PTPRT: variants seen among roughly 807,000 people sequenced by gnomAD.
The protein encoded by PTPRT is receptor-type tyrosine-protein phosphatase T.
In PTPRT, 56 loss-of-function variants were observed where a neutral mutation model predicts 176.8. That is an observed-to-expected ratio of 0.32 (90% CI 0.26 to 0.40). PTPRT has a LOEUF of 0.40. PTPRT is among the 10% of genes least tolerant of loss of function. PTPRT has a pLI of 1.00. For synonymous variants in PTPRT, 783 were observed against 739.0 expected (o/e 1.06, Z -0.96); for missense variants, 1,540 against 1,908.2 (o/e 0.81, Z 3.60).
At chr20:43,144,628 C>T (rs78773261) in intron 1 of PTPRT, among the ~76,000 whole-genome samples, 2,703 of 152,130 alleles carry the variant, frequency 0.018, 76 homozygotes, top group African/African-American at 0.061. Flanking sequence ...AAATCCATAG[C>T]GACAGAAAGG....
At chr20:42,976,856 A>G (rs762401580) in intron 1 of PTPRT, among the ~76,000 whole-genome samples, 2 of 152,216 alleles carry the variant, frequency 1.3e-5, no homozygotes, top group Non-Finnish European at 2.9e-5. Flanking sequence ...TATACAAATA[A>G]CCATTTAGTT....
At chr20:42,575,794 T>C (rs1416719576) in intron 7 of PTPRT, among the ~76,000 whole-genome samples, 1 of 152,120 alleles carries the variant, frequency 6.6e-6, no homozygotes, top group East Asian at 1.9e-4. Flanking sequence ...CTCCTGAACC[T>C]GCCCACTTTT....
intron 13 of PTPRT, among the ~76,000 whole-genome samples, chr20:42,280,518 T>C (rs1825284217): frequency 6.6e-6 from 1 of 152,210 alleles, no homozygotes. Context: ...GAAGCCTGCC[T>C]GGGCTTGGAC....
chr20:42,837,946 C>T (rs376869107), intron 2 of PTPRT, among the ~76,000 whole-genome samples: 19 of 152,138 alleles, frequency 1.2e-4, no homozygotes, highest in African/African-American at 3.4e-4. Flanking sequence ...TCTGTCCTTT[C>T]GGAGAAGTAA....
At chr20:42,981,818 C>T (rs541962581) in intron 1 of PTPRT, among the ~76,000 whole-genome samples, 1 of 152,332 alleles carries the variant, frequency 6.6e-6, no homozygotes, top group Non-Finnish European at 1.5e-5. Context: ...CTATCAGGCA[C>T]TGCATTTATG....
At chr20:42,308,085 C>T (rs566117524) in intron 12 of PTPRT, among the ~76,000 whole-genome samples, 11 of 152,198 alleles carry the variant, frequency 7.2e-5, no homozygotes, top group South Asian at 2.1e-4. Context: ...CCCTCAGTTC[C>T]GGGAATTGCC....
intron 14 of PTPRT, among the ~76,000 whole-genome samples, chr20:42,238,965 T>G (rs1213041830): frequency 6.6e-6 from 1 of 152,186 alleles, no homozygotes; most frequent in Non-Finnish European, 1.5e-5. Flanking sequence ...TATATTAATC[T>G]AAATTATACT....
intron 7 of PTPRT, among the ~76,000 whole-genome samples, chr20:42,588,928 C>T (rs537552560): frequency 9.9e-5 from 15 of 152,170 alleles, no homozygotes; most frequent in African/African-American, 3.4e-4. Context: ...GGCACCAAGA[C>T]GTAAAGTTAT....
At chr20:42,361,692 G>A (rs1197863201) in intron 9 of PTPRT, among the ~76,000 whole-genome samples, 1 of 152,170 alleles carries the variant, frequency 6.6e-6, no homozygotes, top group Non-Finnish European at 1.5e-5. Flanking sequence ...ACAGCTAAGT[G>A]AGGAGGCTGC....
chr20:42,057,744 C>G, the PTPRT span, among the ~76,000 whole-genome samples: 7 of 151,976 alleles, frequency 4.6e-5, no homozygotes, highest in Non-Finnish European at 8.8e-5. Flanking sequence ...AAACACCTCA[C>G]ACCTGGAAAA....
At chr20:42,389,480 G>A (rs983258617) in intron 9 of PTPRT, among the ~76,000 whole-genome samples, 2 of 152,172 alleles carry the variant, frequency 1.3e-5, no homozygotes, top group African/African-American at 4.8e-5. Flanking sequence ...TTGCAGCAGT[G>A]TTGGGAGGTG....
chr20:42,197,044 T>A (rs940921636), intron 16 of PTPRT, among the ~76,000 whole-genome samples: 2 of 152,132 alleles, frequency 1.3e-5, no homozygotes, highest in South Asian at 4.1e-4. Flanking sequence ...TAGACAAATC[T>A]GGATTGTGGA....
At chr20:42,481,050 A>G (rs564702770) in intron 7 of PTPRT, among the ~76,000 whole-genome samples, 1 of 151,468 alleles carries the variant, frequency 6.6e-6, no homozygotes, top group Non-Finnish European at 1.5e-5. Flanking sequence ...TAAGGGCCAG[A>G]TAGTAAATAT....
chr20:42,427,345 A>G (rs1240617136), intron 9 of PTPRT, among the ~76,000 whole-genome samples: 3 of 152,342 alleles, frequency 2.0e-5, no homozygotes, highest in East Asian at 1.9e-4. Context: ...GCAAACCTGT[A>G]AAACTTATAA....
At chr20:42,609,454 T>C (rs1477143295) in intron 7 of PTPRT, among the ~76,000 whole-genome samples, 1 of 152,198 alleles carries the variant, frequency 6.6e-6, no homozygotes, top group Non-Finnish European at 1.5e-5. Flanking sequence ...CTTGCCTTTA[T>C]TTATTGATGA....
chr20:43,019,391 C>T (rs904608946), intron 1 of PTPRT, among the ~76,000 whole-genome samples: 3 of 151,946 alleles, frequency 2.0e-5, no homozygotes, highest in East Asian at 1.9e-4. Flanking sequence ...GAGGTCAAGG[C>T]GGGCAGATCA....
At chr20:42,106,270 C>G (rs1268764768) in intron 24 of PTPRT, among the ~76,000 whole-genome samples, 1 of 152,188 alleles carries the variant, frequency 6.6e-6, no homozygotes, top group Non-Finnish European at 1.5e-5. Context: ...TCCAACTGCA[C>G]AGAGAGTTGC....
chr20:42,621,206 G>T (rs1316321241), intron 7 of PTPRT, among the ~76,000 whole-genome samples: 1 of 152,064 alleles, frequency 6.6e-6, no homozygotes, highest in Non-Finnish European at 1.5e-5. Context: ...CCTTCCCCCT[G>T]GGCTCTAGAT....
At chr20:42,558,068 C>T (rs180708913) in intron 7 of PTPRT, among the ~76,000 whole-genome samples, 2 of 152,064 alleles carry the variant, frequency 1.3e-5, no homozygotes, top group Admixed American at 1.3e-4. Context: ...GTTGTAGAGA[C>T]CCCTGGTGTT....
Sources: gnomAD v4.1 joint callset for allele counts (sites outside exome capture counted in the v4.1 genomes callset) on GRCh38, gnomAD v4.1.1 for gene constraint, MANE v1.5 for transcripts, NCBI Gene and HGNC (gene_info 2026-07-23, HGNC 2026-07-21) for gene names.